Variants in DCUN1D3 observed in about 807,000 individuals in gnomAD.
DCUN1D3 encodes DCN1-like protein 3.
DCUN1D3 carries 6 observed loss-of-function variants against 24.8 expected under a neutral mutation model. The ratio of observed to expected loss-of-function variants is 0.24; its 90% CI spans 0.13 to 0.48. The LOEUF (loss-of-function observed/expected upper bound fraction) is 0.48. DCUN1D3 is among the 20% of genes least tolerant of loss of function. The pLI is 0.99. For missense variants in DCUN1D3, 258 were observed against 379.4 expected (o/e 0.68, Z 2.66); for synonymous variants, 120 against 144.9 (o/e 0.83, Z 1.24).
At chr16:20,889,110 C>T (rs2081880225) in intron 1 of DCUN1D3, among the ~76,000 whole-genome samples, 1 of 152,070 alleles carries the variant, frequency 6.6e-6, no homozygotes, top group African/African-American at 2.4e-5. Context: ...TGCCTGTAGT[C>T]CCAGCTACTT....
At chr16:20,897,700 T>C (rs2081922559) in intron 1 of DCUN1D3, among the ~76,000 whole-genome samples, 1 of 152,174 alleles carries the variant, frequency 6.6e-6, no homozygotes, top group East Asian at 1.9e-4. Context: ...TATTATGCAG[T>C]TTTAAACAGC....
chr16:20,873,883 G>T lies in DCUN1D3; in HGVS notation c.-105-11240C>A, dbSNP rs531964559. Among the ~76,000 whole-genome samples the T allele has an allele frequency of 2.6e-5, 4 of 152,148 alleles. No homozygotes were observed. The East Asian group carries it at 7.7e-4, about 29-fold the overall frequency. ...TAAATGGTCCCTGTTTATCACATGGGGCTCAGCTCAAATGCATGTAGAACC... is the reference window on the plus strand; with the variant it reads ...TAAATGGTCCCTGTTTATCACATGGTGCTCAGCTCAAATGCATGTAGAACC... On this transcript the variant is annotated intron_variant, in intron 1 of 2. Coordinates refer to ENST00000324344, the MANE Select transcript of DCUN1D3 (RefSeq NM_173475.4).
intron 1 of DCUN1D3, among the ~76,000 whole-genome samples, chr16:20,880,158 T>G (rs560869933): frequency 6.6e-6 from 1 of 152,180 alleles, no homozygotes; most frequent in Non-Finnish European, 1.5e-5. Context: ...TACACATTAT[T>G]TATTCCCTTG....
chr16:20,859,473 A>G lies in DCUN1D3; in HGVS notation c.*413T>C, dbSNP rs548533450. The G allele has an allele frequency of 1.1e-4, 18 of 164,764 alleles. No individual in the cohort carries two copies. In the South Asian group the frequency reaches 3.2e-3, roughly 30 times the overall value. 10.2% of individuals were successfully genotyped at this position (164,764 alleles called of 1,614,324 possible). ...ATGCGAAACTGAGATCTGGCACTGT[A>G]TCATTTTGTAATGTTAATTCAACCT... On this transcript the variant is annotated 3_prime_UTR_variant, in exon 3 of 3. Coordinates refer to ENST00000324344, the MANE Select transcript of DCUN1D3 (RefSeq NM_173475.4).
At chr16:20,894,425 G>C (rs759569687) in intron 1 of DCUN1D3, among the ~76,000 whole-genome samples, 3 of 152,142 alleles carry the variant, frequency 2.0e-5, no homozygotes, top group African/African-American at 4.8e-5. Context: ...GCTGCTATCT[G>C]AGATTCTTAG....
intron 1 of DCUN1D3, among the ~76,000 whole-genome samples, chr16:20,883,585 G>A (rs1486109463): frequency 6.6e-6 from 1 of 152,188 alleles, no homozygotes; most frequent in African/African-American, 2.4e-5. Flanking sequence ...GGTTGTATCA[G>A]AAGTATTAAA....
chr16:20,879,938 C>A (rs551726058), intron 1 of DCUN1D3, among the ~76,000 whole-genome samples: 1 of 152,336 alleles, frequency 6.6e-6, no homozygotes, highest in South Asian at 2.1e-4. Flanking sequence ...CAACTACTCA[C>A]TGTAAGAGAA....
In DCUN1D3 at chr16:20,859,880, G is replaced by C. The variant is rs780364586; in HGVS notation, c.*6C>G. 1.3e-5 allele frequency: 21 copies of C among 1,596,484 alleles called. No individual in the cohort carries two copies. Among genetic ancestry groups the C allele is most frequent in the African/African-American group, 4.0e-5 (3 of 74,716 alleles). On this transcript the variant is annotated 3_prime_UTR_variant, in exon 3 of 3. Transcript: ENST00000324344. Reference sequence around the variant, plus strand: ...GATCCTTGCTGCTGCTCCTGGGACAGAGCCACTAAGTCTGCTCCTCGGGAC... The same window carrying C: ...GATCCTTGCTGCTGCTCCTGGGACACAGCCACTAAGTCTGCTCCTCGGGAC...
Position 20,862,327 on chromosome 16 carries a change from G to C in DCUN1D3, c.212C>G (p.Ser71Cys). The change falls in exon 2 of 3, where the codon TCC becomes TGC. Residue 71 changes from serine (S) to cysteine (C), a missense_variant. Physicochemically the swap from Ser to Cys is moderately radical, Grantham distance 112. Coordinates refer to ENST00000324344, the MANE Select transcript of DCUN1D3 (RefSeq NM_173475.4). ...AATEACQLPT[S>C]SGDAGRESKS... ...GGACTCCCTCCCAGCATCTCCCGAG[G>C]ACGTTGGCAGCTGGCAGGCCTCAGT... The C allele has an allele frequency of 1.2e-6, 2 of 1,614,224 alleles. No homozygotes were observed. The highest frequency in any genetic ancestry group is 8.5e-7 in the Non-Finnish European group (1 of 1,180,042).
chr16:20,870,624 T>A (rs79939150), intron 1 of DCUN1D3, among the ~76,000 whole-genome samples: 1,850 of 152,302 alleles, frequency 0.012, 46 homozygotes, highest in African/African-American at 0.042. Context: ...AGCAAAGCAC[T>A]TGAGATCTGC....
At chr16:20,869,603 C>G (rs1464214482) in intron 1 of DCUN1D3, among the ~76,000 whole-genome samples, 1 of 152,004 alleles carries the variant, frequency 6.6e-6, no homozygotes, top group African/African-American at 2.4e-5. Flanking sequence ...CCTTAAATGT[C>G]TATAAGCATG....
At chr16:20,878,998 A>T (rs1379824820) in intron 1 of DCUN1D3, among the ~76,000 whole-genome samples, 1 of 152,174 alleles carries the variant, frequency 6.6e-6, no homozygotes, top group East Asian at 1.9e-4. Flanking sequence ...ACCATGTGAA[A>T]CAGCCAGCTC....
chr16:20,873,135 A>C (rs1023163716), intron 1 of DCUN1D3, among the ~76,000 whole-genome samples: 15 of 152,236 alleles, frequency 9.9e-5, no homozygotes, highest in East Asian at 7.7e-4. Context: ...AAAAAAAAAA[A>C]AACAACTAAC....
Position 20,854,935 on chromosome 16 carries a change from C to T in DCUN1D3, c.*4951G>A, listed in dbSNP as rs953533395. ...GTAGAAATATCAATATTCAAGTAAA[C>T]AAATTTATTAAATCCAACAGCAGGT... On this transcript the variant is annotated 3_prime_UTR_variant, in exon 3 of 3. Coordinates refer to ENST00000324344, the MANE Select transcript of DCUN1D3 (RefSeq NM_173475.4). The T allele has an allele frequency of 1.4e-5, 2 of 145,978 alleles. No individual in the cohort carries two copies. Among genetic ancestry groups the T allele is most frequent in the African/African-American group, 5.1e-5 (2 of 39,238 alleles). 9.0% of individuals were successfully genotyped at this position (145,978 alleles called of 1,614,324 possible). A position where few individuals can be genotyped will look rare whatever the true frequency, so the allele number is the denominator to read the frequency against.
At chr16:20,877,000 C>G (rs1013672429) in intron 1 of DCUN1D3, among the ~76,000 whole-genome samples, 6 of 152,012 alleles carry the variant, frequency 3.9e-5, no homozygotes, top group South Asian at 4.1e-4. Flanking sequence ...TGGGTACAAA[C>G]AGAAGTAAGA....
In DCUN1D3 at chr16:20,857,721, T is replaced by G. The variant is rs959117299; in HGVS notation, c.*2165A>C. The G allele has an allele frequency of 6.6e-6, 1 of 152,218 alleles. No homozygotes were observed. The highest frequency in any genetic ancestry group is 1.5e-5 in the Non-Finnish European group (1 of 68,054). 9.4% of individuals were successfully genotyped at this position (152,218 alleles called of 1,614,324 possible). A position where few individuals can be genotyped will look rare whatever the true frequency, so the allele number is the denominator to read the frequency against. ...ATTTAGCTAGAACAGAAGCCAGGCATCTGGCCCAAGACCCCCTTCAGCTTT... is the reference window on the plus strand; with the variant it reads ...ATTTAGCTAGAACAGAAGCCAGGCAGCTGGCCCAAGACCCCCTTCAGCTTT... On this transcript the variant is annotated 3_prime_UTR_variant, in exon 3 of 3. Transcript: ENST00000324344.
intron 1 of DCUN1D3, among the ~76,000 whole-genome samples, chr16:20,876,091 C>G (rs892137542): frequency 6.6e-6 from 1 of 152,078 alleles, no homozygotes; most frequent in South Asian, 2.1e-4. Context: ...CTTAGCCTCT[C>G]GAGTAGCTGG....
chr16:20,876,615 G>T (rs2081816934), intron 1 of DCUN1D3, among the ~76,000 whole-genome samples: 1 of 151,946 alleles, frequency 6.6e-6, no homozygotes, highest in African/African-American at 2.4e-5. Flanking sequence ...TATGTGCAAA[G>T]GAAAGAAAAT....
intron 1 of DCUN1D3, 129 bp from the exon 2 acceptor site, chr16:20,862,772 A>G (rs1206251097): frequency 1.3e-5 from 11 of 873,712 alleles, no homozygotes; most frequent in Non-Finnish European, 1.6e-5. Flanking sequence ...AGAGACCCTG[A>G]GTTCATCATC....
Sources: allele counts gnomAD v4.1 joint callset (sites outside exome capture counted in the v4.1 genomes callset), GRCh38; gene constraint gnomAD v4.1.1; transcripts MANE v1.5; gene names NCBI Gene and HGNC (gene_info 2026-07-23, HGNC 2026-07-21).